Variants in SASH1 observed in about 807,000 individuals in gnomAD.
SASH1 encodes SAM and SH3 domain containing 1, also known as SAM and SH3 domain-containing protein 1.
A neutral mutation model predicts 125.2 loss-of-function variants in SASH1; 44 were observed. That is an observed-to-expected ratio of 0.35 (90% confidence interval 0.28 to 0.45). The LOEUF is 0.45. SASH1 is among the 20% of genes least tolerant of loss of function. The pLI, the probability that SASH1 is intolerant of heterozygous loss-of-function variation, is 1.00. For synonymous variants in SASH1, 639 were observed against 649.1 expected (o/e 0.98, Z 0.24); for missense variants, 1,426 against 1,614.5 (o/e 0.88, Z 2.00).
At chr6:148,290,398 A>T (rs1779597470) in intron 1 of SASH1, among the ~76,000 whole-genome samples, 1 of 151,186 alleles carries the variant, frequency 6.6e-6, no homozygotes, top group Non-Finnish European at 1.5e-5. Context: ...CGAGGTCAGG[A>T]GATCGAGACC....
chr6:148,364,666 G>A (rs908348420), intron 1 of SASH1, among the ~76,000 whole-genome samples: 3 of 152,142 alleles, frequency 2.0e-5, no homozygotes, highest in African/African-American at 7.2e-5. Context: ...ACAAGGTCAA[G>A]ATGAGAATAG....
In SASH1 at chr6:148,533,453, C is replaced by T. The variant is rs776789004; in HGVS notation, c.1735-318C>T. 1.3e-5 allele frequency among the ~76,000 whole-genome samples: 2 copies of T among 152,098 alleles called. No homozygotes were observed. ...GTGGGAGCCCTCTGAGGAGGGAAGG[C>T]GTTCAGAGTGCCGGGCGGGCAGCCT... On this transcript the variant is annotated intron_variant, in intron 14 of 19. Transcript: ENST00000367467. This position sits in a 1 kb window ranked among gnomAD's most constrained non-coding sequence, Gnocchi z 6.2.
chr6:148,262,012 C>T, the SASH1 span, among the ~76,000 whole-genome samples: 38,332 of 151,930 alleles, frequency 0.25, 5,341 homozygotes, highest in Non-Finnish European at 0.3. Flanking sequence ...CTTGACCGTG[C>T]CTTTTTCATG....
chr6:148,439,790 T>A (rs541395883), intron 2 of SASH1, among the ~76,000 whole-genome samples: 361 of 145,206 alleles, frequency 2.5e-3, no homozygotes, highest in Middle Eastern at 7.0e-3. Context: ...AAAAAAAAAA[T>A]TGGATTGGAA....
At chr6:148,282,570 C>A (rs977932419) in intron 1 of SASH1, among the ~76,000 whole-genome samples, 1 of 151,814 alleles carries the variant, frequency 6.6e-6, no homozygotes, top group African/African-American at 2.4e-5. Flanking sequence ...TCAATAGAGA[C>A]GGGGTTTCAC....
intron 1 of SASH1, among the ~76,000 whole-genome samples, chr6:148,333,266 A>G (rs1430779256): frequency 6.6e-6 from 1 of 152,098 alleles, no homozygotes; most frequent in Non-Finnish European, 1.5e-5. Flanking sequence ...TAATAAAATT[A>G]GCCAGGCATG....
At chr6:148,501,743 C>T (rs12204885) in intron 8 of SASH1, among the ~76,000 whole-genome samples, 3 of 152,156 alleles carry the variant, frequency 2.0e-5, no homozygotes, top group Non-Finnish European at 2.9e-5. Flanking sequence ...TCTCTCCCCC[C>T]ACCCATTCAG....
intron 2 of SASH1, among the ~76,000 whole-genome samples, chr6:148,409,314 A>G (rs71568229): frequency 0.053 from 8,017 of 152,290 alleles, 255 homozygotes; most frequent in East Asian, 0.078. Context: ...TCCAATTATA[A>G]AGAGTCATAA....
the SASH1 span, among the ~76,000 whole-genome samples, chr6:148,241,132 T>C: frequency 6.6e-6 from 1 of 152,238 alleles, no homozygotes; most frequent in South Asian, 2.1e-4. Context: ...CATCAGATTC[T>C]AGGTACTCAT....
intron 1 of SASH1, among the ~76,000 whole-genome samples, chr6:148,334,305 G>A (rs540108289): frequency 0.012 from 1,759 of 148,352 alleles, 26 homozygotes; most frequent in African/African-American, 0.041. Context: ...GCGGGCGCCT[G>A]TAGTCCCAGC....
rs1456102680 is a variant in SASH1 at position 148,540,512 on chromosome 6, C to G, written c.2165C>G (p.Pro722Arg). Residue 722 changes from proline (P) to arginine (R), a missense_variant, in exon 17 of 20, where the codon CCC becomes CGC. By Grantham distance (103) the Pro-to-Arg change is moderately radical (BLOSUM62 -2). This residue lies in a region of SASH1 where 634 missense variants were observed against 694.4 expected (regional missense o/e 0.91). Transcript: ENST00000367467. ...AGCCAGGGCCTGAGTGGATGCTCAC[C>G]CCGAGACTCAGGATGCTACGAAAGC... ...VDSQGLSGCS[P>R]RDSGCYESSE... is the part of the protein sequence containing the mutation. 1 of 1,613,992 alleles carries G rather than the reference C, an allele frequency of 6.2e-7. No homozygotes were observed. The highest frequency in any genetic ancestry group is 8.5e-7 in the Non-Finnish European group (1 of 1,179,976).
At position 148,390,202 on chromosome 6, in the gene SASH1, C is replaced by T. The variant is rs143689839; in HGVS notation, c.225C>T (p.Ser75=). Residue 75 remains serine (S), a synonymous_variant, in exon 2 of 20, where the codon TCC becomes TCT. Coordinates refer to ENST00000367467, the MANE Select transcript of SASH1 (RefSeq NM_015278.5). ...CAGATTATTACAACACCTGTTTCTC[C>T]GACGTGTGCGAGAGGATGGAGGAGC... is the stretch of plus-strand genomic sequence containing the variant. ...QYADYYNTCF[S]DVCERMEELR... 100 of 1,613,172 alleles carry T rather than the reference C, an allele frequency of 6.2e-5. No individual in the cohort carries two copies. Among genetic ancestry groups the T allele is most frequent in the Middle Eastern group, 1.7e-4 (1 of 5,742 alleles).
Position 148,519,448 on chromosome 6 carries a change from A to C in SASH1, c.863-99A>C, listed in dbSNP as rs1171667524. 1 of 843,182 alleles carries C rather than the reference A, an allele frequency of 1.2e-6. No individual in the cohort carries two copies. The highest frequency in any genetic ancestry group is 1.7e-5 in the African/African-American group (1 of 58,870). The allele number at this position is 843,182 out of a possible 1,614,324, so 52.2% of individuals were successfully genotyped here. ...TATGTAAGTGGGAGCTGGGTTTATA[A>C]AGAGGGTCATGATACGGAGAAAGGT... On this transcript the variant is annotated intron_variant, in intron 9 of 19. Coordinates refer to ENST00000367467, the MANE Select transcript of SASH1 (RefSeq NM_015278.5). This position sits in a 1 kb window ranked among gnomAD's most constrained non-coding sequence, Gnocchi z 4.8.
rs1422836291 is a variant in SASH1, at chr6:148,519,676, C to G, written c.992C>G (p.Ser331Cys). The G allele has an allele frequency of 1.2e-6, 2 of 1,614,010 alleles. No individual in the cohort carries two copies. Residue 331 changes from serine (S) to cysteine (C), a missense_variant, in exon 10 of 20, where the codon TCT becomes TGT. Physicochemically the swap from Ser to Cys is moderately radical, Grantham distance 112. This residue lies in a region of SASH1 where 567 missense variants were observed against 575.6 expected (regional missense o/e 0.99). Coordinates refer to ENST00000367467, the MANE Select transcript of SASH1 (RefSeq NM_015278.5). This position sits in a 1 kb window ranked among gnomAD's most constrained non-coding sequence, Gnocchi z 4.8. ...PEKPPEDDSD[S>C]LTTSPSSSSL... ...AAACCTCCCGAAGATGACTCAGACT[C>G]TCTCACCACGTCTCCATCCTCCAGC...
intron 1 of SASH1, among the ~76,000 whole-genome samples, chr6:148,322,911 T>TC (rs1403894745): frequency 1.3e-4 from 15 of 115,696 alleles, no homozygotes; most frequent in South Asian, 2.9e-4. Flanking sequence ...TCTCTCTTTC[T>TC]TTCTTTTTTC....
rs759330576 is a variant in SASH1, at chr6:148,544,126, T to C, written c.2656T>C (p.Ser886Pro). 6.2e-7 allele frequency: 1 copy of C among 1,614,040 alleles called. No individual in the cohort carries two copies. Among genetic ancestry groups the C allele is most frequent in the South Asian group, 1.1e-5 (1 of 91,064 alleles). Residue 886 changes from serine (S) to proline (P), a missense_variant, in exon 18 of 20, where the codon TCT becomes CCT. This residue lies in a region of SASH1 where 634 missense variants were observed against 694.4 expected (regional missense o/e 0.91). Coordinates refer to ENST00000367467, the MANE Select transcript of SASH1 (RefSeq NM_015278.5). The surrounding 1 kb of genome is among the most constrained non-coding windows in gnomAD (Gnocchi z 6.4). ...GAAGGCCCAGCCCCTGGAGCAAGAC[T>C]CTGCTGTCGACAATGCATTGCTACT... ...STKAQPLEQDSAVDNALLLTQ... is the reference protein window; with the variant it reads ...STKAQPLEQDPAVDNALLLTQ...
intron 10 of SASH1, chr6:148,520,121 C>T: frequency 1.9e-6 from 1 of 537,542 alleles, no homozygotes; most frequent in South Asian, 2.4e-5. Context: ...GGGGCGGGAG[C>T]TGCGGCTTCC....
At chr6:148,491,394 C>T (rs554204071) in intron 8 of SASH1, among the ~76,000 whole-genome samples, 4 of 152,048 alleles carry the variant, frequency 2.6e-5, no homozygotes, top group East Asian at 1.9e-4. Flanking sequence ...CTCAGTGTCC[C>T]GATTAGCTGG....
At chr6:148,194,460 G>A in the SASH1 span, among the ~76,000 whole-genome samples, 2 of 152,194 alleles carry the variant, frequency 1.3e-5, no homozygotes, top group Non-Finnish European at 2.9e-5. Context: ...TTTTTAGATT[G>A]GATGGTATAA....
Sources: allele counts gnomAD v4.1 joint callset (sites outside exome capture counted in the v4.1 genomes callset), GRCh38; gene constraint gnomAD v4.1.1; regional missense constraint gnomAD v4.1.1; non-coding constraint Gnocchi (gnomAD v3.1); transcripts MANE v1.5; gene names NCBI Gene and HGNC (gene_info 2026-07-23, HGNC 2026-07-21).